Variants in SLC35D4 observed in about 807,000 individuals in gnomAD.
The protein encoded by SLC35D4 is solute carrier family 35 member D4, also known as UDP-N-acetylglucosamine transporter SLC35D4.
chr18:23,283,958 T>A, the SLC35D4 span, among the ~76,000 whole-genome samples: 2 of 152,206 alleles, frequency 1.3e-5, no homozygotes, highest in Admixed American at 6.5e-5. Flanking sequence ...AGGAAAGAGA[T>A]GGGCAATTCC....
chr18:23,405,166 G>A, the SLC35D4 span, among the ~76,000 whole-genome samples: 2 of 152,062 alleles, frequency 1.3e-5, no homozygotes, highest in Non-Finnish European at 2.9e-5. Context: ...TCTAGAAGCT[G>A]TGATAAATAA....
At chr18:23,268,384 A>T in the SLC35D4 span, among the ~76,000 whole-genome samples, 1 of 152,178 alleles carries the variant, frequency 6.6e-6, no homozygotes, top group African/African-American at 2.4e-5. Flanking sequence ...TTTGCTGAAC[A>T]TTTGTCAAAG....
chr18:23,332,510 G>A, the SLC35D4 span, among the ~76,000 whole-genome samples: 1 of 152,050 alleles, frequency 6.6e-6, no homozygotes, highest in African/African-American at 2.4e-5. Flanking sequence ...TTTTTTCACT[G>A]TAACCATTCT....
chr18:23,336,752 A>T, the SLC35D4 span, among the ~76,000 whole-genome samples: 1 of 152,206 alleles, frequency 6.6e-6, no homozygotes, highest in South Asian at 2.1e-4. Flanking sequence ...TGAACTGGGG[A>T]GAGGAGCCCC....
chr18:23,357,753 T>C, the SLC35D4 span, among the ~76,000 whole-genome samples: 1 of 152,240 alleles, frequency 6.6e-6, no homozygotes, highest in South Asian at 2.1e-4. Context: ...TATCTATTGG[T>C]AAGGAAAGTT....
At chr18:23,385,169 T>C in the SLC35D4 span, 1 of 1,093,740 alleles carries the variant, frequency 9.1e-7, no homozygotes, top group Admixed American at 2.2e-5. Flanking sequence ...TGGAAACTTT[T>C]GGCATCCACA....
the SLC35D4 span, among the ~76,000 whole-genome samples, chr18:23,295,094 T>C: frequency 6.6e-6 from 1 of 151,696 alleles, no homozygotes; most frequent in African/African-American, 2.4e-5. Flanking sequence ...ATAAGGACAA[T>C]TCTAAACCCA....
chr18:23,424,850 C>CCT, the SLC35D4 span, among the ~76,000 whole-genome samples: 1 of 151,998 alleles, frequency 6.6e-6, no homozygotes, highest in South Asian at 2.1e-4. Context: ...AGGGAGCCTG[C>CCT]CTCTACAAAA....
At chr18:23,280,373 T>C in the SLC35D4 span, among the ~76,000 whole-genome samples, 6 of 152,222 alleles carry the variant, frequency 3.9e-5, no homozygotes, top group African/African-American at 1.4e-4. Context: ...GGCCGGCAGC[T>C]GTCAGGGCCA....
chr18:23,288,763 C>T, the SLC35D4 span, among the ~76,000 whole-genome samples: 4 of 152,120 alleles, frequency 2.6e-5, no homozygotes, highest in East Asian at 1.9e-4. Flanking sequence ...GATAGCAGAC[C>T]GGCCTTTATT....
chr18:23,322,880 C>T, the SLC35D4 span, among the ~76,000 whole-genome samples: 1 of 152,162 alleles, frequency 6.6e-6, no homozygotes, highest in South Asian at 2.1e-4. Context: ...TGGTATGGAG[C>T]CTCTTAATTC....
the SLC35D4 span, among the ~76,000 whole-genome samples, chr18:23,344,167 C>A: frequency 6.6e-6 from 1 of 152,152 alleles, no homozygotes; most frequent in Non-Finnish European, 1.5e-5. Flanking sequence ...CAGGTGTGAG[C>A]CACCATGCTC....
At chr18:23,256,605 C>T in the SLC35D4 span, among the ~76,000 whole-genome samples, 2 of 152,104 alleles carry the variant, frequency 1.3e-5, no homozygotes, top group African/African-American at 2.4e-5. Flanking sequence ...TTCAACCTCC[C>T]GAGGAGCTGG....
the SLC35D4 span, among the ~76,000 whole-genome samples, chr18:23,239,272 C>T: frequency 6.6e-6 from 1 of 152,230 alleles, no homozygotes; most frequent in Non-Finnish European, 1.5e-5. Flanking sequence ...AATTTCACTG[C>T]ATTGGCTCTG....
the SLC35D4 span, among the ~76,000 whole-genome samples, chr18:23,310,994 G>C: frequency 1.3e-5 from 2 of 152,130 alleles, no homozygotes; most frequent in Non-Finnish European, 2.9e-5. Context: ...ACAAAGGATA[G>C]GGAAAGAGAT....
the SLC35D4 span, among the ~76,000 whole-genome samples, chr18:23,426,589 A>T: frequency 1.3e-5 from 2 of 152,178 alleles, no homozygotes; most frequent in Admixed American, 6.6e-5. Flanking sequence ...ATGGCCATAC[A>T]GCCCAAGGTA....
chr18:23,401,248 T>A, the SLC35D4 span, among the ~76,000 whole-genome samples: 1 of 152,210 alleles, frequency 6.6e-6, no homozygotes, highest in Non-Finnish European at 1.5e-5. Flanking sequence ...AGAATTTGAA[T>A]TGAGGTCTGT....
the SLC35D4 span, among the ~76,000 whole-genome samples, chr18:23,247,264 A>G: frequency 1.3e-3 from 202 of 152,290 alleles, no homozygotes; most frequent in East Asian, 0.031. Flanking sequence ...CCTCCTGTAC[A>G]CCAGAGAGTG....
chr18:23,259,873 C>G, the SLC35D4 span: 13 of 152,440 alleles, frequency 8.5e-5, no homozygotes, highest in African/African-American at 3.1e-4. Flanking sequence ...TGCCCCCTCT[C>G]AGGACTGCCC....
Sources: allele counts gnomAD v4.1 joint callset (sites outside exome capture counted in the v4.1 genomes callset), GRCh38; gene constraint gnomAD v4.1.1; transcripts MANE v1.5; gene names NCBI Gene and HGNC (gene_info 2026-07-23, HGNC 2026-07-21).